Variants in FAM227B observed in about 807,000 individuals in gnomAD.
FAM227B encodes protein FAM227B.
In FAM227B, 88 loss-of-function variants were observed where a neutral mutation model predicts 73.8. The observed-to-expected ratio is 1.19, with a 90% CI of 1.00 to 1.42. FAM227B has a LOEUF of 1.42. FAM227B is among the 40% of genes most tolerant of loss of function. The pLI is 0.00. For missense variants in FAM227B, 632 were observed against 590.9 expected (o/e 1.07, Z -0.72); for synonymous variants, 210 against 190.5 (o/e 1.10, Z -0.84).
intron 12 of FAM227B, 69 bp from the exon 13 acceptor site, chr15:49,367,677 T>G: frequency 7.4e-7 from 1 of 1,349,252 alleles, no homozygotes; most frequent in Non-Finnish European, 1.0e-6. Flanking sequence ...GAATAAAATA[T>G]AACTTCATAT....
chr15:49,372,713 C>G (rs1844006928), intron 11 of FAM227B, among the ~76,000 whole-genome samples: 1 of 152,052 alleles, frequency 6.6e-6, no homozygotes, highest in Non-Finnish European at 1.5e-5. Flanking sequence ...ATCTTAACAT[C>G]TGAGAAAAAA....
rs182839906 is a variant in FAM227B, at chr15:49,583,716, G to A, written c.405+4300C>T. On this transcript the variant is annotated intron_variant, in intron 5 of 15. Transcript: ENST00000299338. ...CTGACCCCACAGAAATACAACCATC[G>A]GAGAATACTATAAGCACCTCTGTCC... Among the ~76,000 whole-genome samples, 129 of 150,464 alleles carry A rather than the reference G, an allele frequency of 8.6e-4. 1 individual carries two copies. In the East Asian group the frequency reaches 0.013, roughly 15 times the overall value.
At chr15:49,580,618 T>C (rs1024901331) in intron 5 of FAM227B, among the ~76,000 whole-genome samples, 5 of 152,206 alleles carry the variant, frequency 3.3e-5, no homozygotes, top group Non-Finnish European at 5.9e-5. Context: ...GTTCCAGTAA[T>C]GGTGCTTAAC....
chr15:49,574,517 G>A (rs974023379), intron 8 of FAM227B, among the ~76,000 whole-genome samples: 3 of 152,144 alleles, frequency 2.0e-5, no homozygotes, highest in African/African-American at 7.2e-5. Context: ...GAAGGTGCCT[G>A]CTTCCCTTTT....
At chr15:49,550,447 G>A (rs1245744646) in intron 9 of FAM227B, among the ~76,000 whole-genome samples, 5 of 152,032 alleles carry the variant, frequency 3.3e-5, no homozygotes, top group African/African-American at 7.2e-5. Flanking sequence ...CTTCCCAGAC[G>A]GGGTGACTGC....
intron 10 of FAM227B, among the ~76,000 whole-genome samples, chr15:49,540,616 T>G (rs1339491500): frequency 6.6e-6 from 1 of 152,180 alleles, no homozygotes; most frequent in African/African-American, 2.4e-5. Flanking sequence ...AGCCCACCCA[T>G]GTAATGCCAT....
At chr15:49,497,238 G>C (rs888746641) in intron 11 of FAM227B, among the ~76,000 whole-genome samples, 1 of 152,158 alleles carries the variant, frequency 6.6e-6, no homozygotes, top group Non-Finnish European at 1.5e-5. Context: ...TGAAACATTA[G>C]GGACTATAGT....
chr15:49,512,492 T>C (rs1021368017), intron 10 of FAM227B, among the ~76,000 whole-genome samples: 3 of 152,176 alleles, frequency 2.0e-5, no homozygotes, highest in African/African-American at 7.2e-5. Flanking sequence ...CTTCCAGAAT[T>C]ATTATGGCTA....
At chr15:49,551,855 A>C (rs1331474944) in intron 9 of FAM227B, among the ~76,000 whole-genome samples, 1 of 152,210 alleles carries the variant, frequency 6.6e-6, no homozygotes, top group Admixed American at 6.5e-5. Flanking sequence ...TTCCATAAAC[A>C]AACTAATAAA....
In FAM227B at chr15:49,360,277, T is replaced by C. The variant is rs2043977987; in HGVS notation, c.1271+7171A>G. 2.6e-5 allele frequency among the ~76,000 whole-genome samples: 4 copies of C among 151,446 alleles called. No homozygotes were observed. In the South Asian group the frequency reaches 8.4e-4, roughly 32 times the overall value. Reference sequence around the variant, plus strand: ...AAGTCTGTGTATGCATGTGTGATAGTGGGAGCATGTGTTTATAGTAACATT... The same window carrying C: ...AAGTCTGTGTATGCATGTGTGATAGCGGGAGCATGTGTTTATAGTAACATT... On this transcript the variant is annotated intron_variant, in intron 13 of 15. Coordinates refer to ENST00000299338, the MANE Select transcript of FAM227B (RefSeq NM_152647.3).
chr15:49,371,306 G>A lies in FAM227B; in HGVS notation c.1106C>T (p.Thr369Ile), dbSNP rs1302567894. Residue 369 changes from threonine to isoleucine, a missense_variant, in exon 12 of 16, where the codon ACA (threonine) becomes ATA (isoleucine). Physicochemically the swap from Thr to Ile is moderately conservative, Grantham distance 89 (BLOSUM62 -1). Coordinates refer to ENST00000299338, the MANE Select transcript of FAM227B (RefSeq NM_152647.3). ...KEESRLSRLA[T>I]KSHYSSTGPE... is the part of the protein sequence containing the mutation. ...CATAATTATTATACTCCAAACCTTT[G>A]TTGCTAGTCTTGATAATCTTGATTC... 6.4e-7 allele frequency: 1 copy of A among 1,569,852 alleles called. No individual in the cohort carries two copies.
chr15:49,378,451 A>C (rs2046311970), intron 11 of FAM227B, among the ~76,000 whole-genome samples: 1 of 151,592 alleles, frequency 6.6e-6, no homozygotes, highest in Admixed American at 6.6e-5. Context: ...ATATTTTTCC[A>C]ATATTTCTAT....
At chr15:49,443,189 A>G (rs1182191012) in intron 11 of FAM227B, among the ~76,000 whole-genome samples, 1 of 151,756 alleles carries the variant, frequency 6.6e-6, no homozygotes, top group Non-Finnish European at 1.5e-5. Context: ...TACAGCCATT[A>G]TTAAACATTT....
At chr15:49,338,773 T>C (rs577082604) in intron 13 of FAM227B, among the ~76,000 whole-genome samples, 2 of 152,226 alleles carry the variant, frequency 1.3e-5, no homozygotes, top group South Asian at 2.1e-4. Context: ...CAATCAATTG[T>C]AGATTTGGTC....
At chr15:49,577,095 G>A (rs753319830) in intron 6 of FAM227B, 24 of 360,836 alleles carry the variant, frequency 6.7e-5, no homozygotes, top group East Asian at 1.1e-4. Context: ...TCGGGAGTTC[G>A]AGACCAGCCT....
At chr15:49,594,574 T>C (rs769791925) in intron 3 of FAM227B, among the ~76,000 whole-genome samples, 1 of 152,198 alleles carries the variant, frequency 6.6e-6, no homozygotes, top group Non-Finnish European at 1.5e-5. Context: ...ACTTAAGTCT[T>C]TGATCCATCT....
chr15:49,576,849 G>C lies in FAM227B; in HGVS notation c.442-4C>G. 1 of 1,579,942 alleles carries C rather than the reference G, an allele frequency of 6.3e-7. No individual in the cohort carries two copies. The highest frequency in any genetic ancestry group is 8.7e-7 in the Non-Finnish European group (1 of 1,151,916). ...TGAATCCTGTGAAGCTGCAACCCTA[G>C]AAAGAGGAAAATATAACAGGAGAGT... On this transcript the variant is annotated splice_region_variant and splice_polypyrimidine_tract_variant and intron_variant, in intron 6 of 15. Coordinates refer to ENST00000299338, the MANE Select transcript of FAM227B (RefSeq NM_152647.3).
At chr15:49,359,617 A>G (rs564475939) in intron 13 of FAM227B, among the ~76,000 whole-genome samples, 1 of 124,596 alleles carries the variant, frequency 8.0e-6, no homozygotes, top group Admixed American at 7.7e-5. Context: ...GTGGAGAAAT[A>G]GGAACACTTT....
At chr15:49,406,462 T>C (rs59458829) in intron 11 of FAM227B, among the ~76,000 whole-genome samples, 1,532 of 151,892 alleles carry the variant, frequency 0.01, 22 homozygotes, top group African/African-American at 0.036. Flanking sequence ...CAGGACTATG[T>C]GTGATTTATG....
Sources: allele counts gnomAD v4.1 joint callset (sites outside exome capture counted in the v4.1 genomes callset), GRCh38; gene constraint gnomAD v4.1.1; transcripts MANE v1.5; gene names NCBI Gene and HGNC (gene_info 2026-07-23, HGNC 2026-07-21).